Variants in SLC71A2 observed in about 807,000 individuals in gnomAD.
SLC71A2 encodes the protein solute carrier family 71 member 2, also known as hippocampus abundant transcript-like 1.
At chr9:94,425,196 C>T in the SLC71A2 span, among the ~76,000 whole-genome samples, 4 of 151,902 alleles carry the variant, frequency 2.6e-5, no homozygotes, top group South Asian at 4.2e-4. Context: ...CCCAGCTACT[C>T]GGGAGGTTGA....
the SLC71A2 span, among the ~76,000 whole-genome samples, chr9:94,418,998 G>C: frequency 6.6e-6 from 1 of 152,126 alleles, no homozygotes; most frequent in African/African-American, 2.4e-5. Flanking sequence ...AACACTCAGA[G>C]ACTCCTCGTG....
the SLC71A2 span, among the ~76,000 whole-genome samples, chr9:94,443,177 C>T: frequency 2.0e-5 from 3 of 152,116 alleles, no homozygotes; most frequent in Non-Finnish European, 2.9e-5. Context: ...TCCAGCTCAG[C>T]TCCTCATTGT....
chr9:94,447,979 C>T, the SLC71A2 span, among the ~76,000 whole-genome samples: 1 of 152,206 alleles, frequency 6.6e-6, no homozygotes, highest in South Asian at 2.1e-4. Flanking sequence ...CTTGATAGCT[C>T]ATTTTGTTTT....
the SLC71A2 span, among the ~76,000 whole-genome samples, chr9:94,448,575 G>C: frequency 6.6e-6 from 1 of 152,300 alleles, no homozygotes; most frequent in African/African-American, 2.4e-5. Context: ...TCTTCATTCT[G>C]ATAGTTTTCC....
the SLC71A2 span, among the ~76,000 whole-genome samples, chr9:94,416,791 T>G: frequency 2.4e-3 from 359 of 151,534 alleles, 1 homozygote; most frequent in African/African-American, 8.4e-3. Flanking sequence ...AAGGTGGAGG[T>G]TGCAGTGAGC....
At chr9:94,422,761 G>T in the SLC71A2 span, among the ~76,000 whole-genome samples, 1 of 152,158 alleles carries the variant, frequency 6.6e-6, no homozygotes, top group Non-Finnish European at 1.5e-5. Flanking sequence ...TTTGTTAAGT[G>T]TCAGTTCATG....
chr9:94,382,363 C>T, the SLC71A2 span, among the ~76,000 whole-genome samples: 1 of 151,470 alleles, frequency 6.6e-6, no homozygotes, highest in East Asian at 2.0e-4. Context: ...TCCCTTTTGG[C>T]AAAGTGTCTG....
the SLC71A2 span, among the ~76,000 whole-genome samples, chr9:94,426,528 T>C: frequency 6.6e-6 from 1 of 152,162 alleles, no homozygotes; most frequent in Non-Finnish European, 1.5e-5. Context: ...CGCCTTATGA[T>C]TCTTGGCTTT....
At chr9:94,441,268 G>A in the SLC71A2 span, among the ~76,000 whole-genome samples, 1 of 152,166 alleles carries the variant, frequency 6.6e-6, no homozygotes, top group African/African-American at 2.4e-5. Flanking sequence ...AGTTCTGCAG[G>A]CTATAAAGGA....
chr9:94,402,400 G>GT, the SLC71A2 span, among the ~76,000 whole-genome samples: 2 of 146,230 alleles, frequency 1.4e-5, no homozygotes, highest in Admixed American at 6.7e-5. Flanking sequence ...TATACAGTTT[G>GT]GTTTTTTTAA....
the SLC71A2 span, among the ~76,000 whole-genome samples, chr9:94,377,292 C>G: frequency 2.0e-5 from 3 of 152,116 alleles, no homozygotes; most frequent in South Asian, 4.1e-4. Context: ...AGCTTGGTTT[C>G]AGTGACACTC....
the SLC71A2 span, among the ~76,000 whole-genome samples, chr9:94,415,583 C>T: frequency 2.0e-5 from 3 of 151,956 alleles, no homozygotes; most frequent in African/African-American, 4.8e-5. Flanking sequence ...GGACTGGTTT[C>T]GTGGAAGACA....
At chr9:94,459,621 A>G in the SLC71A2 span, 2 of 520,358 alleles carry the variant, frequency 3.8e-6, no homozygotes, top group South Asian at 5.9e-5. Flanking sequence ...TTTATACATT[A>G]GAACAAGATA....
chr9:94,438,278 A>G, the SLC71A2 span: 20 of 1,255,344 alleles, frequency 1.6e-5, no homozygotes, highest in Admixed American at 4.4e-4. Flanking sequence ...TTAATGTTTC[A>G]AAGTATTATT....
chr9:94,406,977 C>T, the SLC71A2 span, among the ~76,000 whole-genome samples: 2 of 152,162 alleles, frequency 1.3e-5, no homozygotes, highest in Non-Finnish European at 2.9e-5. Context: ...GCATCTTTGT[C>T]TTGTTTCTGA....
chr9:94,420,266 G>T, the SLC71A2 span, among the ~76,000 whole-genome samples: 20 of 152,258 alleles, frequency 1.3e-4, no homozygotes, highest in African/African-American at 4.8e-4. Flanking sequence ...TTCCGTGTTT[G>T]CCCCATTAAC....
chr9:94,393,245 G>GGT, the SLC71A2 span, among the ~76,000 whole-genome samples: 1 of 90,132 alleles, frequency 1.1e-5, no homozygotes, highest in African/African-American at 4.3e-5. Context: ...AGAAAAGCCA[G>GGT]GTGCCTAGTT....
the SLC71A2 span, among the ~76,000 whole-genome samples, chr9:94,377,912 C>G: frequency 3.3e-5 from 5 of 152,074 alleles, no homozygotes; most frequent in African/African-American, 1.2e-4. Context: ...CAAGACCATC[C>G]TGGCCAACAT....
At chr9:94,445,265 G>C in the SLC71A2 span, 6 of 1,101,070 alleles carry the variant, frequency 5.4e-6, no homozygotes, top group Non-Finnish European at 7.8e-6. Context: ...CAGCCTCAAG[G>C]ATCCTAGCAG....
Sources: allele counts gnomAD v4.1 joint callset (sites outside exome capture counted in the v4.1 genomes callset), GRCh38; gene constraint gnomAD v4.1.1; transcripts MANE v1.5; gene names NCBI Gene and HGNC (gene_info 2026-07-23, HGNC 2026-07-21).